Variants in HHAT observed in about 807,000 individuals in gnomAD.
The protein encoded by HHAT is hedgehog acyltransferase.
Under a neutral mutation model 70.8 loss-of-function variants are expected in HHAT, and 47 were observed. The observed-to-expected ratio is 0.66, with a 90% CI of 0.53 to 0.85. The LOEUF is 0.85. Among genes scored for constraint, HHAT ranks in the 40% least tolerant of loss-of-function variants. HHAT has a pLI of 0.00. For missense variants in HHAT, 609 were observed against 604.8 expected (o/e 1.01, Z -0.07); for synonymous variants, 228 against 247.6 (o/e 0.92, Z 0.74).
chr1:210,339,902 A>G (rs576699415), intron 1 of HHAT, among the ~76,000 whole-genome samples: 11 of 152,286 alleles, frequency 7.2e-5, no homozygotes, highest in African/African-American at 2.6e-4. Context: ...ATTTTAAACT[A>G]TTCTGTAATT....
chr1:210,358,698 G>C (rs760892864), intron 2 of HHAT, among the ~76,000 whole-genome samples: 22 of 152,306 alleles, frequency 1.4e-4, no homozygotes, highest in Middle Eastern at 3.4e-3. Flanking sequence ...CCAATGTATA[G>C]AAACAGCGGG....
chr1:210,670,012 G>A (rs546325761), intron 11 of HHAT, among the ~76,000 whole-genome samples: 1 of 152,088 alleles, frequency 6.6e-6, no homozygotes, highest in Non-Finnish European at 1.5e-5. Context: ...GTGCATGGGT[G>A]GGGGACAGTG....
intron 1 of HHAT, chr1:210,329,305 G>A: frequency 8.2e-7 from 1 of 1,223,786 alleles, no homozygotes; most frequent in Non-Finnish European, 1.0e-6. Flanking sequence ...CGCGCAGTGC[G>A]CCCGGGCAAA....
chr1:210,400,337 T>C, intron 4 of HHAT, 131 bp from the exon 5 acceptor site: 1 of 805,698 alleles, frequency 1.2e-6, no homozygotes, highest in Non-Finnish European at 1.9e-6. Context: ...AGAGTTTCTT[T>C]ATTGGGTAAT....
chr1:210,469,656 A>T (rs1460549222), intron 8 of HHAT, among the ~76,000 whole-genome samples: 3 of 152,104 alleles, frequency 2.0e-5, no homozygotes, highest in Non-Finnish European at 4.4e-5. Context: ...AGTAAAATTT[A>T]TGCCATTTGT....
At chr1:210,596,307 G>T (rs1473537019) in intron 10 of HHAT, among the ~76,000 whole-genome samples, 2 of 152,032 alleles carry the variant, frequency 1.3e-5, no homozygotes, top group Non-Finnish European at 2.9e-5. Context: ...GTCTTATGTG[G>T]GTTAAATCTA....
intron 8 of HHAT, among the ~76,000 whole-genome samples, chr1:210,472,291 C>A (rs1266704389): frequency 6.6e-6 from 1 of 152,170 alleles, no homozygotes; most frequent in South Asian, 2.1e-4. Flanking sequence ...GAAGTAGATA[C>A]TATTATTTTT....
chr1:210,353,547 C>G (rs1417781087), intron 2 of HHAT, among the ~76,000 whole-genome samples: 1 of 150,490 alleles, frequency 6.6e-6, no homozygotes, highest in Non-Finnish European at 1.5e-5. Flanking sequence ...TTGTACCCAT[C>G]TTGACATTTT....
intron 9 of HHAT, among the ~76,000 whole-genome samples, chr1:210,584,083 C>T (rs146899163): frequency 2.0e-3 from 306 of 150,804 alleles, no homozygotes; most frequent in African/African-American, 7.3e-3. Context: ...GCTGAGACTA[C>T]AGGTGTGCAC....
At chr1:210,333,520 A>G (rs2085187585) in intron 1 of HHAT, among the ~76,000 whole-genome samples, 1 of 152,240 alleles carries the variant, frequency 6.6e-6, no homozygotes, top group African/African-American at 2.4e-5. Flanking sequence ...AATTCAGTGC[A>G]GTAGCAAGTA....
intron 11 of HHAT, among the ~76,000 whole-genome samples, chr1:210,662,916 C>G (rs1410194999): frequency 6.6e-6 from 1 of 152,060 alleles, no homozygotes; most frequent in African/African-American, 2.4e-5. Context: ...ACTGTTTGTG[C>G]TGGTTAAAAT....
At chr1:210,559,096 C>T (rs766117200) in intron 9 of HHAT, among the ~76,000 whole-genome samples, 5 of 152,192 alleles carry the variant, frequency 3.3e-5, no homozygotes, top group African/African-American at 1.2e-4. Flanking sequence ...CCATAGATAT[C>T]ACAGAGCATG....
intron 11 of HHAT, among the ~76,000 whole-genome samples, chr1:210,647,517 G>C (rs1674305766): frequency 6.6e-6 from 1 of 152,134 alleles, no homozygotes; most frequent in South Asian, 2.1e-4. Context: ...GGCACGTTAG[G>C]GGGAGTTGCC....
chr1:210,434,012 A>G (rs1382574836), intron 7 of HHAT, among the ~76,000 whole-genome samples: 1 of 151,964 alleles, frequency 6.6e-6, no homozygotes, highest in African/African-American at 2.4e-5. Context: ...GAGAACACTG[A>G]TATTTGACAG....
At chr1:210,480,772 G>T (rs749926493) in intron 8 of HHAT, among the ~76,000 whole-genome samples, 46 of 152,106 alleles carry the variant, frequency 3.0e-4, no homozygotes, top group Non-Finnish European at 5.1e-4. Context: ...ACCTCTCCCT[G>T]ATAGCTCCCC....
intron 10 of HHAT, among the ~76,000 whole-genome samples, chr1:210,620,097 C>T (rs1466114432): frequency 2.0e-5 from 3 of 152,184 alleles, no homozygotes; most frequent in East Asian, 1.9e-4. Context: ...GATGAAGGAC[C>T]ACAGGGGTAA....
intron 3 of HHAT, among the ~76,000 whole-genome samples, chr1:210,372,130 G>A (rs1441391033): frequency 6.6e-6 from 1 of 152,232 alleles, no homozygotes; most frequent in Non-Finnish European, 1.5e-5. Flanking sequence ...ACAAGGGCCA[G>A]AGCTGTACAC....
intron 10 of HHAT, among the ~76,000 whole-genome samples, chr1:210,612,567 G>A (rs978014691): frequency 1.3e-5 from 2 of 152,124 alleles, no homozygotes. Context: ...CATTTGGGTT[G>A]CTTCCACCTT....
intron 3 of HHAT, among the ~76,000 whole-genome samples, chr1:210,365,012 G>A (rs1041333152): frequency 2.0e-5 from 3 of 152,142 alleles, no homozygotes; most frequent in Non-Finnish European, 4.4e-5. Context: ...CCTTGCATGT[G>A]GGGTGGGTGG....
Sources: allele counts gnomAD v4.1 joint callset (sites outside exome capture counted in the v4.1 genomes callset), GRCh38; gene constraint gnomAD v4.1.1; transcripts MANE v1.5; gene names NCBI Gene and HGNC (gene_info 2026-07-23, HGNC 2026-07-21).